The following DOCK9 variants were observed in gnomAD, a reference collection of about 807,000 sequenced individuals.
DOCK9 encodes the protein dedicator of cytokinesis 9, also known as dedicator of cytokinesis protein 9.
DOCK9 carries 89 observed loss-of-function variants against 263.3 expected under a neutral mutation model. That is an observed-to-expected ratio of 0.34 (90% CI 0.28 to 0.40). The LOEUF is 0.40. Among genes scored for constraint, DOCK9 ranks in the 10% least tolerant of loss-of-function variants. The pLI is 1.00. For missense variants in DOCK9, 2,140 were observed against 2,603.4 expected (o/e 0.82, Z 3.87); for synonymous variants, 976 against 973.1 (o/e 1.00, Z -0.06).
At chr13:98,854,860 T>C (rs1281722185) in intron 34 of DOCK9, 1 of 152,184 alleles carries the variant, frequency 6.6e-6, no homozygotes, top group Non-Finnish European at 1.5e-5. Context: ...ATGCCAGCCA[T>C]GGGATGCGTG....
chr13:98,863,249 T>A, intron 31 of DOCK9, 117 bp from the exon 32 acceptor site: 1 of 1,501,746 alleles, frequency 6.7e-7, no homozygotes. Context: ...TTGATTTTAG[T>A]CCCAAAATAG....
At position 98,853,426 on chromosome 13, in the gene DOCK9, A is replaced by T. The variant is rs1185073795; in HGVS notation, c.3928T>A (p.Leu1310Ile). The change falls in exon 35 of 53, where the codon TTA (leucine) becomes ATA (isoleucine). Residue 1310 changes from leucine to isoleucine, a missense_variant. This residue lies in a region of DOCK9 where 1,521 missense variants were observed against 1,741.7 expected (regional missense o/e 0.87). Coordinates refer to ENST00000682017, the MANE Select transcript of DOCK9 (RefSeq NM_001366683.2). ...KSLLMCFLYI[L>I]KSMSDDALFT... ...AACCTACCATCAGACATGCTCTTTA[A>T]GATGTAGAGGAAACACATCAGTAGG... The T allele has an allele frequency of 6.2e-7, 1 of 1,609,088 alleles. No individual in the cohort carries two copies. Among genetic ancestry groups the T allele is most frequent in the African/African-American group, 1.3e-5 (1 of 74,832 alleles).
intron 1 of DOCK9, among the ~76,000 whole-genome samples, chr13:99,018,755 A>T (rs774139088): frequency 1.3e-5 from 2 of 152,244 alleles, no homozygotes; most frequent in Admixed American, 6.5e-5. Flanking sequence ...TCATCAGAGG[A>T]CATGAATAGA....
At chr13:99,036,667 G>A (rs9517563) in intron 1 of DOCK9, among the ~76,000 whole-genome samples, 22,605 of 152,062 alleles carry the variant, frequency 0.15, 2,418 homozygotes, top group East Asian at 0.43. Flanking sequence ...TCAGCCTCCC[G>A]TAGCTGGGAT....
At position 98,800,370 on chromosome 13, in the gene DOCK9, G is replaced by A. The variant is rs543609412; in HGVS notation, c.5834C>T (p.Ala1945Val). The change falls in exon 50 of 53, where the codon GCG becomes GTG. Residue 1945 changes from alanine to valine, a missense_variant. Around this residue, in one of 2 missense-constraint regions of DOCK9, gnomAD observed 619 missense variants for 861.8 expected, o/e 0.72. Coordinates refer to ENST00000682017, the MANE Select transcript of DOCK9 (RefSeq NM_001366683.2). ...VAIDEMSKKV[A>V]ELRQLCSSAE... Reference sequence around the variant, plus strand: ...CGAGGAGCACAGCTGCCGGAGCTCCGCCACCTTCTTACTCATCTCGTCAAT... The same window carrying A: ...CGAGGAGCACAGCTGCCGGAGCTCCACCACCTTCTTACTCATCTCGTCAAT... 1.4e-4 allele frequency: 220 copies of A among 1,613,738 alleles called. 1 individual carries two copies. The South Asian group carries it at 2.2e-3, about 16-fold the overall frequency.
At chr13:98,889,560 A>C (rs1459061173) in intron 15 of DOCK9, among the ~76,000 whole-genome samples, 1 of 152,192 alleles carries the variant, frequency 6.6e-6, no homozygotes, top group Non-Finnish European at 1.5e-5. Context: ...CACTCCTGAC[A>C]AGTGCTGCTA....
At chr13:98,956,521 T>TG (rs1274511093) in intron 1 of DOCK9, among the ~76,000 whole-genome samples, 7 of 151,790 alleles carry the variant, frequency 4.6e-5, no homozygotes, top group Non-Finnish European at 8.8e-5. Context: ...CCGAGATGGG[T>TG]GGGTCACCTG....
intron 38 of DOCK9, among the ~76,000 whole-genome samples, chr13:98,843,287 A>AT (rs753012792): frequency 3.5e-4 from 53 of 152,142 alleles, no homozygotes; most frequent in Non-Finnish European, 5.9e-4. Context: ...GTTAAATGGG[A>AT]TTTTTTTTAA....
At chr13:98,928,025 A>C (rs1480586322) in intron 3 of DOCK9, among the ~76,000 whole-genome samples, 1 of 151,682 alleles carries the variant, frequency 6.6e-6, no homozygotes, top group Non-Finnish European at 1.5e-5. Context: ...AAAAACAAAA[A>C]AAAACTCCAC....
intron 1 of DOCK9, among the ~76,000 whole-genome samples, chr13:98,994,251 C>T (rs1307803387): frequency 6.6e-6 from 1 of 152,206 alleles, no homozygotes; most frequent in African/African-American, 2.4e-5. Flanking sequence ...GAGCACTTCT[C>T]CTTTGTAACC....
At chr13:98,992,891 G>A (rs535133141) in intron 1 of DOCK9, among the ~76,000 whole-genome samples, 6 of 152,310 alleles carry the variant, frequency 3.9e-5, no homozygotes, top group Middle Eastern at 6.8e-3. Context: ...TAAGCAAGAC[G>A]TTCTGAAGCA....
In DOCK9 at chr13:98,888,393, G is replaced by A. The variant is rs760917268; in HGVS notation, c.1944C>T (p.Tyr648=). ...YTNHLYVYPK[Y]LKYDSQKSFA... is the part of the protein sequence containing the mutation. ...AAGACTTCTGACTGTCGTATTTCAA[G>A]TACTTAGGATAAACGTAAAGGTGAT... Residue 648 remains tyrosine (Y), a synonymous_variant, in exon 17 of 53, where the codon TAC becomes TAT. Coordinates refer to ENST00000682017, the MANE Select transcript of DOCK9 (RefSeq NM_001366683.2). 8.7e-6 allele frequency: 14 copies of A among 1,613,840 alleles called. No individual in the cohort carries two copies. Among genetic ancestry groups the A allele is most frequent in the Admixed American group, 8.3e-5 (5 of 60,010 alleles).
Position 98,894,514 on chromosome 13 carries a change from TC to T in DOCK9, c.1709+2973del, listed in dbSNP as rs2047087427. On this transcript the variant is annotated intron_variant, in intron 15 of 52. Coordinates refer to ENST00000682017, the MANE Select transcript of DOCK9 (RefSeq NM_001366683.2). ...AATATAGTAATACAGATATATTTTT[TC>T]TTCCTTAATAATATAGTGTATTCAC... Among the ~76,000 whole-genome samples, 6 of 152,288 alleles carry T rather than the reference TC, an allele frequency of 3.9e-5. No homozygotes were observed. In the South Asian group the frequency reaches 1.2e-3, roughly 32 times the overall value.
chr13:98,837,701 G>A, intron 38 of DOCK9, 92 bp from the exon 39 acceptor site: 1 of 439,158 alleles, frequency 2.3e-6, no homozygotes, highest in Non-Finnish European at 3.6e-6. Context: ...TGATTATTCA[G>A]AAGGCCCACT....
chr13:99,002,720 G>C (rs746954494), intron 1 of DOCK9, among the ~76,000 whole-genome samples: 7 of 152,104 alleles, frequency 4.6e-5, no homozygotes, highest in Non-Finnish European at 8.8e-5. Flanking sequence ...TCCATGCACT[G>C]TCCTGACTTC....
intron 1 of DOCK9, among the ~76,000 whole-genome samples, chr13:99,010,380 T>C (rs1008418670): frequency 6.6e-6 from 1 of 152,178 alleles, no homozygotes; most frequent in African/African-American, 2.4e-5. Context: ...GAATTGACAA[T>C]GTGTTTTGTT....
intron 1 of DOCK9, among the ~76,000 whole-genome samples, chr13:99,040,517 A>T (rs1022854244): frequency 1.3e-5 from 2 of 152,250 alleles, no homozygotes; most frequent in African/African-American, 4.8e-5. Flanking sequence ...AAAATTGTAC[A>T]TGGTGATTGT....
At chr13:98,925,472 T>G (rs2052786163) in intron 4 of DOCK9, among the ~76,000 whole-genome samples, 1 of 152,242 alleles carries the variant, frequency 6.6e-6, no homozygotes, top group Non-Finnish European at 1.5e-5. Context: ...TCTTTATAAT[T>G]ATCTTCTTCA....
intron 1 of DOCK9, among the ~76,000 whole-genome samples, chr13:98,976,123 A>C (rs1300622299): frequency 1.3e-5 from 2 of 152,160 alleles, no homozygotes; most frequent in African/African-American, 4.8e-5. Context: ...GATAAGAAAA[A>C]ACTTCTGGTA....
Sources: gnomAD v4.1 joint callset for allele counts (sites outside exome capture counted in the v4.1 genomes callset) on GRCh38, gnomAD v4.1.1 for gene constraint, gnomAD v4.1.1 regional missense constraint, MANE v1.5 for transcripts, NCBI Gene and HGNC (gene_info 2026-07-23, HGNC 2026-07-21) for gene names.